The following CASK variants were observed in gnomAD, a reference collection of about 807,000 sequenced individuals.
CASK encodes calcium/calmodulin dependent serine protein kinase.
A neutral mutation model predicts 82.9 loss-of-function variants in CASK; 4 were observed. That is an observed-to-expected ratio of 0.05 (90% CI 0.02 to 0.11). The LOEUF is 0.11. CASK is among the 10% of genes least tolerant of loss of function. The pLI is 1.00. For missense variants in CASK, 358 were observed against 720.9 expected (o/e 0.50, Z 5.76); for synonymous variants, 259 against 253.5 (o/e 1.02, Z -0.20).
At chrX:41,856,326 G>T (rs2071370028) in intron 1 of CASK, among the ~76,000 whole-genome samples, 2 of 111,382 alleles carry the variant, frequency 1.8e-5, no homozygotes, top group African/African-American at 6.5e-5. Flanking sequence ...TGGAATCCAA[G>T]AAAGCAGATG....
At chrX:41,792,171 A>G (rs2147843839) in intron 2 of CASK, among the ~76,000 whole-genome samples, 1 of 111,989 alleles carries the variant, frequency 8.9e-6, no homozygotes, top group East Asian at 2.8e-4. Context: ...ATTTTCCTGT[A>G]AAGTATTATT....
chrX:41,572,085 CTT>C (rs755117126), intron 15 of CASK, among the ~76,000 whole-genome samples: 14 of 98,385 alleles, frequency 1.4e-4, no homozygotes, highest in Admixed American at 2.2e-4. Context: ...TATCTTCTTA[CTT>C]TTTTTTTTTT....
intron 14 of CASK, among the ~76,000 whole-genome samples, chrX:41,579,462 A>C (rs2065534539): frequency 8.9e-6 from 1 of 111,871 alleles, no homozygotes. Flanking sequence ...AGCTTGGTGA[A>C]CTTCAACAAT....
intron 9 of CASK, among the ~76,000 whole-genome samples, chrX:41,628,633 A>G (rs1602374518): frequency 8.9e-6 from 1 of 111,813 alleles, no homozygotes; most frequent in South Asian, 3.7e-4. Flanking sequence ...ATATTTCCAC[A>G]AAGTTTACTT....
At chrX:41,583,118 C>T (rs1035355172) in intron 14 of CASK, among the ~76,000 whole-genome samples, 1 of 111,652 alleles carries the variant, frequency 9.0e-6, no homozygotes, top group African/African-American at 3.3e-5. Flanking sequence ...TTTTAAGCAC[C>T]TAGCTAGGTA....
intron 3 of CASK, among the ~76,000 whole-genome samples, chrX:41,773,831 T>C (rs5918240): frequency 9.0e-6 from 1 of 111,631 alleles, no homozygotes; most frequent in Admixed American, 9.5e-5. Flanking sequence ...TTACCATGAA[T>C]GGAACTTGCA....
chrX:41,682,529 GAAAA>G (rs869093187), intron 5 of CASK, among the ~76,000 whole-genome samples: 23 of 23,167 alleles, frequency 9.9e-4, no homozygotes, highest in Non-Finnish European at 7.0e-4. Context: ...ACTGTCTCAG[GAAAA>G]AAAAAAAAAA....
intron 3 of CASK, among the ~76,000 whole-genome samples, chrX:41,769,314 G>A (rs1399875737): frequency 9.3e-6 from 1 of 107,163 alleles, no homozygotes; most frequent in Non-Finnish European, 1.9e-5. Context: ...TCCCGCCTCA[G>A]TCTCCTGAGT....
chrX:41,681,742 C>T (rs934334408), intron 5 of CASK, among the ~76,000 whole-genome samples: 3 of 110,036 alleles, frequency 2.7e-5, no homozygotes, highest in Non-Finnish European at 5.7e-5. Flanking sequence ...GTCAGGAGTT[C>T]GAGACCAGCC....
intron 4 of CASK, chrX:41,743,412 T>A: frequency 1.2e-5 from 3 of 244,942 alleles, no homozygotes; most frequent in Middle Eastern, 1.2e-3. Flanking sequence ...AACCCTGGAA[T>A]GTGCTTTAGA....
intron 2 of CASK, among the ~76,000 whole-genome samples, chrX:41,845,326 A>G (rs867860930): frequency 2.6e-4 from 29 of 111,338 alleles, no homozygotes; most frequent in Non-Finnish European, 5.7e-5. Flanking sequence ...TCTCCCTCCA[A>G]TTCTGCCTTT....
rs769162271 is a variant in CASK, at chrX:41,692,060, A to G, written c.430-20530T>C. ...AGGCGTGAGCCACTGTACCTGGCCA[A>G]CCTTTTGATCTTTCATTACCTCTTT... On this transcript the variant is annotated intron_variant, in intron 5 of 26. Transcript: ENST00000378163. 1.4e-3 allele frequency among the ~76,000 whole-genome samples: 153 copies of G among 111,061 alleles called. 1 individual carries two copies. Among genetic ancestry groups the G allele is most frequent in the Non-Finnish European group, 2.4e-3 (128 of 53,032 alleles).
chrX:41,654,480 G>A (rs1268866965), intron 8 of CASK, among the ~76,000 whole-genome samples: 2 of 110,117 alleles, frequency 1.8e-5, no homozygotes, highest in African/African-American at 6.6e-5. Flanking sequence ...AGAGCATCCT[G>A]GCAAACATGG....
chrX:41,624,036 T>A (rs777776682), intron 10 of CASK, among the ~76,000 whole-genome samples: 1 of 112,206 alleles, frequency 8.9e-6, no homozygotes, highest in Non-Finnish European at 1.9e-5. Flanking sequence ...AAGATGAAAA[T>A]GGTAGTAGAG....
intron 5 of CASK, among the ~76,000 whole-genome samples, chrX:41,693,546 G>A (rs1201913405): frequency 3.6e-5 from 4 of 111,577 alleles, no homozygotes; most frequent in African/African-American, 9.8e-5. Context: ...GCCAGGGGGC[G>A]GAGGTTGCAG....
chrX:41,909,442 A>G (rs2072523718), intron 1 of CASK, among the ~76,000 whole-genome samples: 1 of 112,430 alleles, frequency 8.9e-6, no homozygotes, highest in East Asian at 2.8e-4. Flanking sequence ...TGCCCCATTC[A>G]TTCTCAAATC....
chrX:41,700,149 T>C (rs781674921), intron 5 of CASK, among the ~76,000 whole-genome samples: 3 of 112,248 alleles, frequency 2.7e-5, no homozygotes, highest in African/African-American at 9.7e-5. Context: ...TAGAAAAGTA[T>C]GCTGTATAGA....
chrX:41,671,837 C>T (rs1001342121), intron 5 of CASK, among the ~76,000 whole-genome samples: 4 of 111,181 alleles, frequency 3.6e-5, no homozygotes, highest in Non-Finnish European at 7.5e-5. Context: ...TTTTTTTTGC[C>T]TTACTATGCA....
chrX:41,907,719 G>A (rs754140883), intron 1 of CASK, among the ~76,000 whole-genome samples: 7 of 111,606 alleles, frequency 6.3e-5, no homozygotes, highest in Admixed American at 5.7e-4. Context: ...CAATTTTCCA[G>A]AAGGGATGGC....
Sources: gnomAD v4.1 joint callset for allele counts (sites outside exome capture counted in the v4.1 genomes callset) on GRCh38, gnomAD v4.1.1 for gene constraint, MANE v1.5 for transcripts, NCBI Gene and HGNC (gene_info 2026-07-23, HGNC 2026-07-21) for gene names.